The following TRRAP variants were observed in gnomAD, a reference collection of about 807,000 sequenced individuals.
TRRAP encodes transformation/transcription domain-associated protein.
Under a neutral mutation model 438.8 loss-of-function variants are expected in TRRAP, and 41 were observed. The observed-to-expected ratio is 0.09, with a 90% CI of 0.07 to 0.12. The LOEUF (loss-of-function observed/expected upper bound fraction) is 0.12. Ranked by LOEUF, TRRAP falls within the 10% of genes least tolerant of loss-of-function variation. The pLI is 1.00. For missense variants in TRRAP, 3,122 were observed against 5,055.1 expected (o/e 0.62, Z 11.60); for synonymous variants, 1,994 against 1,962.9 (o/e 1.02, Z -0.42).
chr7:98,997,736 A>C (rs906499350), intron 67 of TRRAP, among the ~76,000 whole-genome samples: 22 of 152,186 alleles, frequency 1.4e-4, no homozygotes, highest in Non-Finnish European at 4.4e-5. Flanking sequence ...CAGAAGGTAA[A>C]GAAAGAGAAT....
chr7:98,954,141 C>G (rs1331864664), intron 40 of TRRAP, among the ~76,000 whole-genome samples: 2 of 152,050 alleles, frequency 1.3e-5, no homozygotes, highest in Non-Finnish European at 2.9e-5. Flanking sequence ...TCCTGGAGTA[C>G]CTCGGTGGTT....
rs550228977 is a variant in TRRAP, at chr7:98,906,731, C to T, written c.1115+476C>T. Among the ~76,000 whole-genome samples, 20 of 152,094 alleles carry T rather than the reference C, an allele frequency of 1.3e-4. No homozygotes were observed. The East Asian group carries it at 3.3e-3, about 25-fold the overall frequency. On this transcript the variant is annotated intron_variant, in intron 13 of 72. Coordinates refer to ENST00000456197, the MANE Select transcript of TRRAP (RefSeq NM_001375524.1). ...TACAGGCGTGAGGTACTGTGCCCAG[C>T]CAAGAATTGCAGGATTTTTGGAAAG...
At chr7:98,915,094 A>C (rs1458952911) in intron 18 of TRRAP, among the ~76,000 whole-genome samples, 1 of 152,198 alleles carries the variant, frequency 6.6e-6, no homozygotes, top group African/African-American at 2.4e-5. Context: ...ATATTTTCCA[A>C]TTAAGTCTTC....
Position 98,981,841 on chromosome 7 carries a change from C to G in TRRAP, c.8707C>G (p.Pro2903Ala), listed in dbSNP as rs1792937413. 1.9e-6 allele frequency: 3 copies of G among 1,606,268 alleles called. No individual in the cohort carries two copies. Among genetic ancestry groups the G allele is most frequent in the African/African-American group, 2.7e-5 (2 of 74,816 alleles). ...CCGCGGATACCTGGCCATCTGCCAC[C>G]CCGAGGAGCAGCAGCTCAGCTTCAT... ...MYRGYLAICH[P>A]EEQQLSFIER... Residue 2903 changes from proline (P) to alanine (A), a missense_variant, in exon 59 of 73, where the codon CCC (proline) becomes GCC (alanine). Transcript: ENST00000456197.
intron 3 of TRRAP, among the ~76,000 whole-genome samples, chr7:98,887,117 G>A (rs1289918506): frequency 6.6e-6 from 1 of 151,992 alleles, no homozygotes; most frequent in Non-Finnish European, 1.5e-5. Flanking sequence ...ACATGGTCTT[G>A]TTATGTTGCC....
chr7:98,881,699 G>A (rs1421202040), intron 2 of TRRAP: 2 of 394,156 alleles, frequency 5.1e-6, no homozygotes, highest in East Asian at 8.0e-5. Flanking sequence ...TTGTAGAGAA[G>A]CAAAGTGATG....
At position 98,978,856 on chromosome 7, in the gene TRRAP, C is replaced by T. The variant is rs777625422; in HGVS notation, c.8586C>T (p.Cys2862=). 2.0e-5 allele frequency: 32 copies of T among 1,614,164 alleles called. No individual in the cohort carries two copies. The South Asian group carries it at 2.2e-4, about 11-fold the overall frequency. ...TCAACCCCTACCTCGTCCTGGAGTG[C>T]GCCTGGCGGGTGTCCAACTGGACTG... ...GHINPYLVLE[C]AWRVSNWTAM... The change falls in exon 58 of 73, where the codon TGC becomes TGT. Residue 2862 remains cysteine (C), a synonymous_variant. Transcript: ENST00000456197.
At position 99,011,033 on chromosome 7, in the gene TRRAP, AC is replaced by A; in HGVS notation, c.10939-18del. On this transcript the variant is annotated intron_variant, in intron 70 of 72. Transcript: ENST00000456197. This position sits in a 1 kb window ranked among gnomAD's most constrained non-coding sequence, Gnocchi z 7.1. ...AATCAGTGAGTGAGATGGGAGTGTC[AC>A]GGAGCGCTGTGTTTCAGGTCCTCCG... 1 of 1,606,132 alleles carries A rather than the reference AC, an allele frequency of 6.2e-7. No homozygotes were observed. Among genetic ancestry groups the A allele is most frequent in the Non-Finnish European group, 8.5e-7 (1 of 1,173,722 alleles).
chr7:98,963,343 T>C (rs771771314), intron 47 of TRRAP, among the ~76,000 whole-genome samples: 1 of 152,180 alleles, frequency 6.6e-6, no homozygotes, highest in Non-Finnish European at 1.5e-5. Context: ...CTGGGTCTTT[T>C]TTTAAGTGGA....
chr7:99,004,146 G>A (rs1382114541), intron 67 of TRRAP, 44 bp from the exon 68 acceptor site: 2 of 1,571,048 alleles, frequency 1.3e-6, no homozygotes, highest in Non-Finnish European at 8.7e-7. Flanking sequence ...GTTAGAACTG[G>A]CCCAGATGAC....
Position 98,981,978 on chromosome 7 carries a change from A to T in TRRAP, c.8826+18A>T, listed in dbSNP as rs746333266. ...TCCTACAGGTGCGTGCGGTGCCCCC[A>T]TGCGAGCACAGGCCTGTGGCCTGTC... On this transcript the variant is annotated intron_variant, in intron 59 of 72. Transcript: ENST00000456197. 1 of 1,551,496 alleles carries T rather than the reference A, an allele frequency of 6.4e-7. No individual in the cohort carries two copies. Among genetic ancestry groups the T allele is most frequent in the Non-Finnish European group, 8.7e-7 (1 of 1,151,014 alleles).
chr7:98,976,469 T>C lies in TRRAP; in HGVS notation c.7960-14T>C, dbSNP rs370315789. On this transcript the variant is annotated splice_polypyrimidine_tract_variant and intron_variant, in intron 54 of 72. Transcript: ENST00000456197. This position sits in a 1 kb window ranked among gnomAD's most constrained non-coding sequence, Gnocchi z 4.6. ...TTTGAATGAAGGCCTAAATGACATG[T>C]GCTTTGGTTTCAGGCACTCGCGGGT... The C allele has an allele frequency of 5.6e-6, 9 of 1,602,230 alleles. No individual in the cohort carries two copies. In the African/African-American group the frequency reaches 1.2e-4, roughly 21 times the overall value.
At position 98,933,408 on chromosome 7, in the gene TRRAP, G is replaced by T; in HGVS notation, c.4014+6G>T. The stretch of plus-strand genomic sequence containing the variant: ...ATAAGGTGTTCTACACAGAGGTAGG[G>T]GGGTGGTGGTGCGGAGTGGTGTGGA... On this transcript the variant is annotated splice_donor_region_variant and intron_variant, in intron 27 of 72. Transcript: ENST00000456197. 6.2e-7 allele frequency: 1 copy of T among 1,612,100 alleles called. No individual in the cohort carries two copies. The highest frequency in any genetic ancestry group is 8.5e-7 in the Non-Finnish European group (1 of 1,179,302).
At chr7:99,000,848 A>G (rs1383999038) in intron 67 of TRRAP, among the ~76,000 whole-genome samples, 1 of 152,216 alleles carries the variant, frequency 6.6e-6, no homozygotes, top group Non-Finnish European at 1.5e-5. Context: ...CCCACTGAGC[A>G]GTTCTGGCCC....
chr7:98,893,710 G>A (rs1487493353), intron 5 of TRRAP, 88 bp from the exon 6 acceptor site: 5 of 1,150,590 alleles, frequency 4.3e-6, no homozygotes, highest in Middle Eastern at 2.7e-4. Flanking sequence ...GTTGGTTGAT[G>A]GAAAGTGTGT....
In TRRAP at chr7:98,994,494, G is replaced by T. The variant is rs1584403112; in HGVS notation, c.10048-93G>T. On this transcript the variant is annotated intron_variant, in intron 66 of 72. Transcript: ENST00000456197. The surrounding 1 kb of genome is among the most constrained non-coding windows in gnomAD (Gnocchi z 4.8). ...GCCGGGGAGTGCAGAGATGACCCTG[G>T]GCTGGGAGGGCCGCACTCAATAGGC... 2 of 1,555,648 alleles carry T rather than the reference G, an allele frequency of 1.3e-6. No individual in the cohort carries two copies. Among genetic ancestry groups the T allele is most frequent in the Non-Finnish European group, 1.7e-6 (2 of 1,144,152 alleles).
In TRRAP at chr7:99,008,367, C is replaced by T. The variant is rs1280966804; in HGVS notation, c.10754-10C>T. 1.9e-6 allele frequency: 3 copies of T among 1,612,878 alleles called. No homozygotes were observed. The South Asian group carries it at 3.3e-5, about 18-fold the overall frequency. On this transcript the variant is annotated splice_polypyrimidine_tract_variant and intron_variant, in intron 69 of 72. Coordinates refer to ENST00000456197, the MANE Select transcript of TRRAP (RefSeq NM_001375524.1). ...CTCAGCCTGCCCCGTTTCTCTTCCT[C>T]TCTCCCCAGTGCCCCGGGTTGTGGC...
Position 98,961,247 on chromosome 7 carries a change from G to A in TRRAP, c.6490-14G>A. 6.2e-7 allele frequency: 1 copy of A among 1,613,678 alleles called. No individual in the cohort carries two copies. Among genetic ancestry groups the A allele is most frequent in the Non-Finnish European group, 8.5e-7 (1 of 1,179,650 alleles). ...TTTGTTTCCTCTGTGAGTGGCCTGT[G>A]TTGTCCATTGCAGGAGCAGCCAAAC... On this transcript the variant is annotated splice_polypyrimidine_tract_variant and intron_variant, in intron 45 of 72. Transcript: ENST00000456197.
Position 98,961,420 on chromosome 7 carries a change from C to A in TRRAP, c.6649C>A (p.Arg2217=), listed in dbSNP as rs773430406. 21 of 1,614,110 alleles carry A rather than the reference C, an allele frequency of 1.3e-5. No homozygotes were observed. In the South Asian group the frequency reaches 2.2e-4, roughly 17 times the overall value. Residue 2217 remains arginine, a synonymous_variant, in exon 46 of 73, where the codon CGA becomes AGA. Coordinates refer to ENST00000456197, the MANE Select transcript of TRRAP (RefSeq NM_001375524.1). ...CMTCGNTKVL[R]AVHSLLSRLM... ...GACATGTGGAAACACCAAGGTGTTG[C>A]GAGCCGTCCACAGCCTTCTCTCGCG...
Sources: allele counts gnomAD v4.1 joint callset (sites outside exome capture counted in the v4.1 genomes callset), GRCh38; gene constraint gnomAD v4.1.1; non-coding constraint Gnocchi (gnomAD v3.1); transcripts MANE v1.5; gene names NCBI Gene and HGNC (gene_info 2026-07-23, HGNC 2026-07-21).